Variants in TRAPPC10 observed in about 807,000 individuals in gnomAD.
TRAPPC10 encodes the protein TRAPP 130 kDa subunit.
A neutral mutation model predicts 125.5 loss-of-function variants in TRAPPC10; 23 were observed. The observed-to-expected ratio is 0.18, with a 90% confidence interval of 0.13 to 0.26. The LOEUF is 0.26. TRAPPC10 is among the 10% of genes least tolerant of loss of function. The probability of loss-of-function intolerance (pLI) is 1.00; values close to 1 mark genes in which losing one functional copy is unlikely to be tolerated. For synonymous variants in TRAPPC10, 509 were observed against 518.0 expected, an observed-to-expected ratio of 0.98 and a Z score of 0.24; for missense variants, 1,123 against 1,308.4, an observed-to-expected ratio of 0.86 and a Z score of 2.19.
chr21:44,090,915 G>A (rs761646065), intron 18 of TRAPPC10, among the ~76,000 whole-genome samples: 38 of 152,250 alleles, frequency 2.5e-4, no homozygotes, highest in Middle Eastern at 3.4e-3. Context: ...TTTTTCAGCC[G>A]GGCGTGGTGG....
At chr21:44,052,755 A>C (rs1411563280) in intron 4 of TRAPPC10, among the ~76,000 whole-genome samples, 1 of 150,930 alleles carries the variant, frequency 6.6e-6, no homozygotes, top group African/African-American at 2.4e-5. Context: ...TGACAGCAGC[A>C]GCTCCTGCAG....
chr21:44,062,991 C>A (rs1404637905), intron 6 of TRAPPC10: 1 of 1,302,874 alleles, frequency 7.7e-7, no homozygotes, highest in African/African-American at 1.5e-5. Context: ...AAATTTTCGA[C>A]AAGCAGTAAT....
At chr21:44,045,346 C>G (rs1487343390) in intron 3 of TRAPPC10, among the ~76,000 whole-genome samples, 9 of 151,542 alleles carry the variant, frequency 5.9e-5, no homozygotes, top group Admixed American at 5.9e-4. Flanking sequence ...ACGGTAAGCT[C>G]TTTCAGCTTT....
At chr21:44,083,937 G>A (rs956185718) in intron 14 of TRAPPC10, among the ~76,000 whole-genome samples, 185 bp from the exon 15 acceptor site, 1 of 152,210 alleles carries the variant, frequency 6.6e-6, no homozygotes, top group African/African-American at 2.4e-5. Context: ...ATCACGAATT[G>A]AGAGATTCTG....
At chr21:44,094,504 C>T (rs1010874716) in intron 20 of TRAPPC10, among the ~76,000 whole-genome samples, 3 of 152,180 alleles carry the variant, frequency 2.0e-5, no homozygotes, top group African/African-American at 7.2e-5. Flanking sequence ...TTCCTTTTTT[C>T]TTCTATCTTT....
intron 17 of TRAPPC10, chr21:44,089,167 T>C: frequency 3.6e-6 from 1 of 273,976 alleles, no homozygotes; most frequent in East Asian, 1.1e-4. Context: ...TGTGTTATCC[T>C]CTCTTCCCTG....
chr21:44,079,895 T>TA (rs370863418), intron 12 of TRAPPC10, 120 bp from the exon 13 acceptor site: 12,082 of 876,482 alleles, frequency 0.014, 81 homozygotes, highest in African/African-American at 0.064. Flanking sequence ...CCTAGTAACT[T>TA]AAAAAAAAAA....
intron 17 of TRAPPC10, chr21:44,089,360 T>C (rs1421299985): frequency 8.3e-6 from 3 of 359,424 alleles, no homozygotes; most frequent in African/African-American, 4.2e-5. Flanking sequence ...CTGATTTGGT[T>C]TTCAGTTACA....
chr21:44,087,750 G>A lies in TRAPPC10; in HGVS notation c.2591G>A (p.Ser864Asn), dbSNP rs2038243482. 1.2e-6 allele frequency: 2 copies of A among 1,614,068 alleles called. No individual in the cohort carries two copies. Among genetic ancestry groups the A allele is most frequent in the East Asian group, 2.2e-5 (1 of 44,900 alleles). ...ATTCAGTCCTCCGACAAGGTCACGA[G>A]CATCAGTCTGCCTGTTGCGCCTGCG... ...LRIQSSDKVTSISLPVAPAYH... is the reference protein window; with the variant it reads ...LRIQSSDKVTNISLPVAPAYH... The change falls in exon 17 of 23, where the codon AGC (serine) becomes AAC (asparagine). Residue 864 changes from serine (S) to asparagine (N), a missense_variant. Ser to Asn is a conservative substitution (Grantham distance 46). Around this residue, in one of 4 missense-constraint regions of TRAPPC10, gnomAD observed 840 missense variants for 902.0 expected, o/e 0.93. Coordinates refer to ENST00000291574, the MANE Select transcript of TRAPPC10 (RefSeq NM_003274.5). The surrounding 1 kb of genome is among the most constrained non-coding windows in gnomAD (Gnocchi z 4.6).
intron 20 of TRAPPC10, among the ~76,000 whole-genome samples, chr21:44,095,194 C>T (rs1601844980): frequency 6.6e-6 from 1 of 150,872 alleles, no homozygotes; most frequent in African/African-American, 2.4e-5. Flanking sequence ...ACCACAGGCA[C>T]GTGTCACCAC....
chr21:44,079,906 A>T (rs930253274), intron 12 of TRAPPC10, 109 bp from the exon 13 acceptor site: 3 of 1,109,206 alleles, frequency 2.7e-6, no homozygotes, highest in Non-Finnish European at 1.3e-6. Context: ...AAAAAAAAAA[A>T]GCCCTTTGGC....
intron 17 of TRAPPC10, 87 bp downstream of exon 17, chr21:44,088,015 G>C: frequency 8.5e-7 from 1 of 1,174,034 alleles, no homozygotes; most frequent in Non-Finnish European, 1.2e-6. Flanking sequence ...GATGCCTGCT[G>C]TTAGCCTGGC....
rs754121093 is a variant in TRAPPC10 at position 44,055,732 on chromosome 21, T to C, written c.517T>C (p.Ser173Pro). The change falls in exon 5 of 23, where the codon TCT (serine) becomes CCT (proline). Residue 173 changes from serine (S) to proline (P), a missense_variant. Coordinates refer to ENST00000291574, the MANE Select transcript of TRAPPC10 (RefSeq NM_003274.5). ...VVLSDPLKDSSRTQESWNAFL... is the reference protein window; with the variant it reads ...VVLSDPLKDSPRTQESWNAFL... The stretch of plus-strand genomic sequence containing the variant: ...GCTCTCCGACCCCTTGAAGGACTCT[T>C]CTCGAACTCAGGAATCCTGGAATGC... The C allele has an allele frequency of 3.3e-5, 53 of 1,612,264 alleles. No individual in the cohort carries two copies. Among genetic ancestry groups the C allele is most frequent in the Non-Finnish European group, 4.3e-5 (51 of 1,178,616 alleles).
chr21:44,088,010 C>CAGGCTAACAGCAGGCA, intron 17 of TRAPPC10, 82 bp downstream of exon 17: 1 of 1,232,638 alleles, frequency 8.1e-7, no homozygotes, highest in Non-Finnish European at 1.2e-6. Context: ...GTAGCGATGC[C>CAGGCTAACAGCAGGCA]TGCTGTTAGC....
At chr21:44,070,770 G>T (rs1474159687) in intron 7 of TRAPPC10, among the ~76,000 whole-genome samples, 4 of 152,178 alleles carry the variant, frequency 2.6e-5, no homozygotes, top group Non-Finnish European at 5.9e-5. Flanking sequence ...GGGTGGCTCT[G>T]GCACTCTCTG....
At chr21:44,079,269 C>T (rs1343162066) in intron 11 of TRAPPC10, among the ~76,000 whole-genome samples, 1 of 152,168 alleles carries the variant, frequency 6.6e-6, no homozygotes. Context: ...ACTTTCTTAT[C>T]CTGAGATTCA....
chr21:44,014,863 T>G (rs1233340957), intron 1 of TRAPPC10, among the ~76,000 whole-genome samples: 1 of 152,220 alleles, frequency 6.6e-6, no homozygotes, highest in African/African-American at 2.4e-5. Flanking sequence ...AATGATCACT[T>G]TAAAAGTGAA....
intron 3 of TRAPPC10, among the ~76,000 whole-genome samples, chr21:44,040,671 G>T (rs2034350084): frequency 6.6e-6 from 1 of 151,914 alleles, no homozygotes; most frequent in Non-Finnish European, 1.5e-5. Context: ...TGGAGTGCTG[G>T]AGTGCAGTGG....
intron 1 of TRAPPC10, among the ~76,000 whole-genome samples, chr21:44,016,154 A>G (rs765439993): frequency 2.6e-4 from 40 of 152,232 alleles, no homozygotes; most frequent in Admixed American, 4.6e-4. Flanking sequence ...AGTATATTTT[A>G]TTAATCATGA....
Sources: gnomAD v4.1 joint callset for allele counts (sites outside exome capture counted in the v4.1 genomes callset) on GRCh38, gnomAD v4.1.1 for gene constraint, gnomAD v4.1.1 regional missense constraint, Gnocchi (gnomAD v3.1) non-coding constraint, MANE v1.5 for transcripts, NCBI Gene and HGNC (gene_info 2026-07-23, HGNC 2026-07-21) for gene names.